Variants in SPRED1 observed in about 807,000 individuals in gnomAD.
SPRED1 encodes the protein sprouty related EVH1 domain containing 1.
In SPRED1, 18 loss-of-function variants were observed where a neutral mutation model predicts 52.3. That is an observed-to-expected ratio of 0.34 (90% confidence interval 0.24 to 0.51). The LOEUF is 0.51. Ranked by LOEUF, SPRED1 falls within the 20% of genes least tolerant of loss-of-function variation. The pLI is 0.97. For synonymous variants in SPRED1, 155 were observed against 179.7 expected, an observed-to-expected ratio of 0.86 and a Z score of 1.10; for missense variants, 485 against 551.0, an observed-to-expected ratio of 0.88 and a Z score of 1.20.
intron 4 of SPRED1, among the ~76,000 whole-genome samples, chr15:38,330,409 C>G (rs1392783349): frequency 1.3e-5 from 2 of 152,016 alleles, no homozygotes; most frequent in Non-Finnish European, 2.9e-5. Context: ...TTATTCTTAC[C>G]CTTAAGCTAA....
Position 38,322,413 on chromosome 15 carries a change from G to A in SPRED1, c.376+4G>A, listed in dbSNP as rs1477635181. 4 of 1,612,696 alleles carry A rather than the reference G, an allele frequency of 2.5e-6. No individual in the cohort carries two copies. In the Admixed American group the frequency reaches 5.0e-5, roughly 20 times the overall value. ...GCTATAGAGGATATTTCTCAAGGTAGGTATTCTTGACTATTTTCTTAATTT... is the reference window on the plus strand; with the variant it reads ...GCTATAGAGGATATTTCTCAAGGTAAGTATTCTTGACTATTTTCTTAATTT... On this transcript the variant is annotated splice_donor_region_variant and intron_variant, in intron 3 of 6. Transcript: ENST00000299084.
At position 38,351,141 on chromosome 15, in the gene SPRED1, T is replaced by C. The variant is rs1888474442; in HGVS notation, c.812T>C (p.Leu271Ser). ...YRHPDMWKND[L>S]ERDDADSSIQ... ...CATCCTGACATGTGGAAAAATGACT[T>C]GGAAAGAGATGATGCTGATTCCAGT... The change falls in exon 7 of 7, where the codon TTG becomes TCG. Residue 271 changes from leucine to serine, a missense_variant. Transcript: ENST00000299084. 1 of 1,614,068 alleles carries C rather than the reference T, an allele frequency of 6.2e-7. No homozygotes were observed. The highest frequency in any genetic ancestry group is 8.5e-7 in the Non-Finnish European group (1 of 1,179,988).
intron 4 of SPRED1, among the ~76,000 whole-genome samples, chr15:38,329,056 T>A (rs2140999756): frequency 6.6e-6 from 1 of 152,262 alleles, no homozygotes; most frequent in Non-Finnish European, 1.5e-5. Context: ...TGCTAGCTTA[T>A]GCTTGTTTTA....
intron 1 of SPRED1, among the ~76,000 whole-genome samples, chr15:38,287,393 C>T (rs1894832930): frequency 6.6e-6 from 1 of 152,070 alleles, no homozygotes; most frequent in African/African-American, 2.4e-5. Flanking sequence ...TTTCTTTAAA[C>T]ATACATCTCT....
At chr15:38,258,267 T>TTA (rs556379990) in intron 1 of SPRED1, among the ~76,000 whole-genome samples, 2 of 152,206 alleles carry the variant, frequency 1.3e-5, no homozygotes, top group Non-Finnish European at 2.9e-5. Flanking sequence ...ATTATGTAGT[T>TTA]TATATATATA....
chr15:38,336,268 G>T (rs1027410765), intron 4 of SPRED1, among the ~76,000 whole-genome samples: 2 of 151,154 alleles, frequency 1.3e-5, no homozygotes, highest in African/African-American at 4.9e-5. Flanking sequence ...TAAAGGAAAA[G>T]AAGTCATACG....
chr15:38,347,396 G>A (rs951247908), intron 5 of SPRED1, among the ~76,000 whole-genome samples: 2 of 149,292 alleles, frequency 1.3e-5, no homozygotes, highest in African/African-American at 4.9e-5. Context: ...CTGTAGAAAT[G>A]CTGTAGCTCT....
chr15:38,347,860 G>A (rs551362474), intron 5 of SPRED1, among the ~76,000 whole-genome samples: 20 of 151,926 alleles, frequency 1.3e-4, no homozygotes, highest in Non-Finnish European at 2.2e-4. Flanking sequence ...CAAATTTTGA[G>A]GGTATTAAAA....
intron 1 of SPRED1, among the ~76,000 whole-genome samples, chr15:38,279,465 A>G (rs544722922): frequency 2.0e-5 from 3 of 152,340 alleles, no homozygotes; most frequent in African/African-American, 7.2e-5. Context: ...GCAAATTAGC[A>G]TCTCAATCAA....
intron 2 of SPRED1, among the ~76,000 whole-genome samples, chr15:38,321,387 G>A (rs1032961257): frequency 2.6e-5 from 4 of 151,888 alleles, no homozygotes; most frequent in African/African-American, 4.8e-5. Context: ...ATGCACATTC[G>A]GTCATTCCAC....
chr15:38,347,461 C>CTTTTTTTTTTTT (rs3075337), intron 5 of SPRED1, among the ~76,000 whole-genome samples: 3 of 93,220 alleles, frequency 3.2e-5, no homozygotes, highest in Admixed American at 1.2e-4. Flanking sequence ...CCGCTTGGAT[C>CTTTTTTTTTTTT]TTTTTTTTTT....
intron 1 of SPRED1, chr15:38,268,249 A>G (rs867354298): frequency 1.3e-5 from 2 of 152,172 alleles, no homozygotes; most frequent in Non-Finnish European, 2.9e-5. Flanking sequence ...TGAGTATCCT[A>G]TGCCTTTTAG....
rs1379321089 is a variant in SPRED1, at chr15:38,253,167, G to C, written c.-19G>C. ...GCTGTTGCTCCTCCATCTCCAGATC[G>C]GATCACGGTGAGGGAAAGATGAGCG... On this transcript the variant is annotated 5_prime_UTR_variant, in exon 1 of 7. Transcript: ENST00000299084. 2 of 1,575,224 alleles carry C rather than the reference G, an allele frequency of 1.3e-6. No individual in the cohort carries two copies. Among genetic ancestry groups the C allele is most frequent in the Admixed American group, 1.8e-5 (1 of 54,952 alleles).
chr15:38,256,418 T>C (rs1894098169), intron 1 of SPRED1, among the ~76,000 whole-genome samples: 1 of 152,030 alleles, frequency 6.6e-6, no homozygotes, highest in African/African-American at 2.4e-5. Flanking sequence ...TACTTAAGAG[T>C]CTTTGTCCTT....
intron 4 of SPRED1, among the ~76,000 whole-genome samples, chr15:38,334,225 G>A (rs1340635787): frequency 6.6e-6 from 1 of 151,970 alleles, no homozygotes; most frequent in East Asian, 1.9e-4. Context: ...ATATTGTTCA[G>A]GGATATTTGT....
chr15:38,333,904 G>A (rs745733766), intron 4 of SPRED1, among the ~76,000 whole-genome samples: 37 of 152,018 alleles, frequency 2.4e-4, no homozygotes, highest in Admixed American at 7.9e-4. Flanking sequence ...AGACTCTGCC[G>A]CCTAGTAACA....
At chr15:38,284,469 T>G (rs4924231) in intron 1 of SPRED1, among the ~76,000 whole-genome samples, 13,827 of 152,238 alleles carry the variant, frequency 0.091, 758 homozygotes, top group East Asian at 0.21. Context: ...GATAACATGT[T>G]TTTTCCTAGT....
intron 1 of SPRED1, among the ~76,000 whole-genome samples, chr15:38,285,711 A>G (rs1894792561): frequency 6.6e-6 from 1 of 152,154 alleles, no homozygotes. Flanking sequence ...TTTCTGAGCA[A>G]GACTCACATG....
chr15:38,349,570 T>C, intron 6 of SPRED1, 47 bp downstream of exon 6: 2 of 457,536 alleles, frequency 4.4e-6, no homozygotes, highest in Non-Finnish European at 7.7e-6. Flanking sequence ...AACTAATTAA[T>C]AGATAGGTAA....
Sources: allele counts gnomAD v4.1 joint callset (sites outside exome capture counted in the v4.1 genomes callset), GRCh38; gene constraint gnomAD v4.1.1; transcripts MANE v1.5; gene names NCBI Gene and HGNC (gene_info 2026-07-23, HGNC 2026-07-21).